Variants in PRICKLE2 observed in about 807,000 individuals in gnomAD.
PRICKLE2 encodes the protein prickle-like protein 2.
A neutral mutation model predicts 81.4 loss-of-function variants in PRICKLE2; 21 were observed. The observed-to-expected ratio is 0.26, with a 90% confidence interval of 0.18 to 0.37. PRICKLE2 has a LOEUF of 0.37. Among genes scored for constraint, PRICKLE2 ranks in the 10% least tolerant of loss-of-function variants. The pLI, the probability that PRICKLE2 is intolerant of heterozygous loss-of-function variation, is 1.00. For missense variants in PRICKLE2, 940 were observed against 1,109.0 expected, an observed-to-expected ratio of 0.85 and a Z score of 2.16; for synonymous variants, 456 against 421.5, an observed-to-expected ratio of 1.08 and a Z score of -1.00.
At chr3:64,142,362 G>A (rs1241382421) in intron 7 of PRICKLE2, among the ~76,000 whole-genome samples, 5 of 150,492 alleles carry the variant, frequency 3.3e-5, no homozygotes, top group African/African-American at 1.2e-4. Context: ...AAAGGCTGGG[G>A]TGCAGTGGTG....
chr3:64,098,414 C>G lies in PRICKLE2; in HGVS notation c.*637G>C, dbSNP rs1212722360. The stretch of plus-strand genomic sequence containing the variant: ...GTTATGTTTTTTCAGCCACAAAAAG[C>G]CAAATTGAATATGTTCCTTTGAAAA... On this transcript the variant is annotated 3_prime_UTR_variant, in exon 8 of 8. Coordinates refer to ENST00000638394, the MANE Select transcript of PRICKLE2 (RefSeq NM_198859.4). The G allele has an allele frequency of 6.9e-6, 1 of 144,452 alleles. No individual in the cohort carries two copies. The highest frequency in any genetic ancestry group is 1.5e-5 in the Non-Finnish European group (1 of 66,906). The allele number at this position is 144,452 out of a possible 1,614,324, so 8.9% of individuals were successfully genotyped here.
rs1465160749 is a variant in PRICKLE2, at chr3:64,147,281, A to G, written c.1209T>C (p.Tyr403=). 1.2e-6 allele frequency: 2 copies of G among 1,612,644 alleles called. No homozygotes were observed. Among genetic ancestry groups the G allele is most frequent in the Non-Finnish European group, 1.7e-6 (2 of 1,179,022 alleles). The change falls in exon 7 of 8, where the codon TAT becomes TAC. Residue 403 remains tyrosine, a synonymous_variant. Coordinates refer to ENST00000638394, the MANE Select transcript of PRICKLE2 (RefSeq NM_198859.4). This position sits in a 1 kb window ranked among gnomAD's most constrained non-coding sequence, Gnocchi z 5.0. The part of the protein sequence containing the change: ...IWRSREEPYH[Y]GNKMEQNQTQ... ...TCTGGTTCTGCTCCATCTTGTTCCCATAATGGTAGGGCTCTTCCCGGCTCC... is the reference window on the plus strand; with the variant it reads ...TCTGGTTCTGCTCCATCTTGTTCCCGTAATGGTAGGGCTCTTCCCGGCTCC...
chr3:64,155,898 T>A (rs963445207), intron 5 of PRICKLE2, among the ~76,000 whole-genome samples: 5 of 152,162 alleles, frequency 3.3e-5, no homozygotes, highest in African/African-American at 4.8e-5. Flanking sequence ...TGCTAATGGA[T>A]AAAGAGTTTC....
At chr3:64,215,582 C>T (rs982824465) in intron 1 of PRICKLE2, among the ~76,000 whole-genome samples, 3 of 152,040 alleles carry the variant, frequency 2.0e-5, no homozygotes, top group South Asian at 2.1e-4. Flanking sequence ...ATGACCAAAG[C>T]GTAAATTTTA....
intron 2 of PRICKLE2, among the ~76,000 whole-genome samples, chr3:64,250,030 A>G (rs2079423448): frequency 6.6e-6 from 1 of 152,210 alleles, no homozygotes; most frequent in African/African-American, 2.4e-5. Flanking sequence ...TAGGACTTCA[A>G]ATGCCACATT....
At chr3:64,123,000 G>A (rs1458090336) in intron 7 of PRICKLE2, among the ~76,000 whole-genome samples, 2 of 152,166 alleles carry the variant, frequency 1.3e-5, no homozygotes, top group African/African-American at 4.8e-5. Flanking sequence ...ATCAGAGCAG[G>A]TGTGTGAACA....
At chr3:64,142,833 T>TAC (rs1486381424) in intron 7 of PRICKLE2, among the ~76,000 whole-genome samples, 4 of 152,182 alleles carry the variant, frequency 2.6e-5, no homozygotes, top group African/African-American at 9.7e-5. Context: ...ACCAAAGCTA[T>TAC]ACAAAGGAAG....
chr3:64,222,618 G>T, intron 1 of PRICKLE2, among the ~76,000 whole-genome samples: 1 of 152,212 alleles, frequency 6.6e-6, no homozygotes, highest in Non-Finnish European at 1.5e-5. Context: ...GCAGGGGAGG[G>T]CTATTCCTTT....
chr3:64,174,200 T>C (rs752280983), intron 2 of PRICKLE2, among the ~76,000 whole-genome samples: 1 of 152,186 alleles, frequency 6.6e-6, no homozygotes, highest in Non-Finnish European at 1.5e-5. Flanking sequence ...ACCTACAGTA[T>C]AGGAGAAAGA....
At chr3:64,209,618 C>T (rs916077784) in intron 1 of PRICKLE2, among the ~76,000 whole-genome samples, 1 of 152,206 alleles carries the variant, frequency 6.6e-6, no homozygotes, top group Admixed American at 6.5e-5. Flanking sequence ...AACCTACCAA[C>T]CAACCAACTG....
At position 64,094,034 on chromosome 3, in the gene PRICKLE2, C is replaced by T. The variant is rs556093776; in HGVS notation, c.*5017G>A. On this transcript the variant is annotated 3_prime_UTR_variant, in exon 8 of 8. Transcript: ENST00000638394. ...GACCTTCTTAACAAATAGCTTGACA[C>T]TCAACACAGAACACAGACTCTGGCC... 1.3e-5 allele frequency: 2 copies of T among 152,724 alleles called. No homozygotes were observed. The highest frequency in any genetic ancestry group is 3.9e-4 in the East Asian group (2 of 5,178). 9.5% of individuals were successfully genotyped at this position (152,724 alleles called of 1,614,324 possible).
intron 2 of PRICKLE2, among the ~76,000 whole-genome samples, chr3:64,253,133 C>T (rs540826311): frequency 1.3e-5 from 2 of 152,198 alleles, no homozygotes; most frequent in Non-Finnish European, 2.9e-5. Context: ...TAACAGCTAT[C>T]ATTTATTAAG....
Position 64,225,080 on chromosome 3 carries a change from C to T in PRICKLE2, c.-211G>A, listed in dbSNP as rs1370528073. Reference sequence around the variant, plus strand: ...AACCCCCTTTTCAGTCTGAACCCTTCCTGAAGCTGGCAACAGACTCAAGCC... The same window carrying T: ...AACCCCCTTTTCAGTCTGAACCCTTTCTGAAGCTGGCAACAGACTCAAGCC... On this transcript the variant is annotated 5_prime_UTR_variant, in exon 1 of 8. Coordinates refer to ENST00000638394, the MANE Select transcript of PRICKLE2 (RefSeq NM_198859.4). 18 of 985,344 alleles carry T rather than the reference C, an allele frequency of 1.8e-5. No homozygotes were observed. The highest frequency in any genetic ancestry group is 1.9e-5 in the Non-Finnish European group (16 of 830,026). 61.0% of individuals were successfully genotyped at this position (985,344 alleles called of 1,614,324 possible). A position where few individuals can be genotyped will look rare whatever the true frequency, so the allele number is the denominator to read the frequency against.
intron 2 of PRICKLE2, among the ~76,000 whole-genome samples, chr3:64,240,667 C>T (rs1214086467): frequency 6.6e-6 from 1 of 152,156 alleles, no homozygotes; most frequent in African/African-American, 2.4e-5. Context: ...ATGTCTGAGC[C>T]AGCGGTTCTC....
At position 64,099,187 on chromosome 3, in the gene PRICKLE2, C is replaced by T. The variant is rs772206753; in HGVS notation, c.2399G>A (p.Arg800His). 3.1e-6 allele frequency: 5 copies of T among 1,614,208 alleles called. No homozygotes were observed. Among genetic ancestry groups the T allele is most frequent in the East Asian group, 2.2e-5 (1 of 44,872 alleles). Residue 800 changes from arginine to histidine, a missense_variant, in exon 8 of 8, where the codon CGC becomes CAC. Transcript: ENST00000638394. This position sits in a 1 kb window ranked among gnomAD's most constrained non-coding sequence, Gnocchi z 4.3. ...FLGEPIPQPA[R>H]LRYVTSDELL... ...CTCATCGCTTGTGACGTATCGCAGG[C>T]GCGCTGGCTGGGGGATGGGTTCTCC...
rs2076587932 is a variant in PRICKLE2 at position 64,097,510 on chromosome 3, T to A, written c.*1541A>T. ...GAGGAGGAGGATGGAAGAAACCAAG[T>A]GCTTCATTTTTAACTGAAGCAAGGT... On this transcript the variant is annotated 3_prime_UTR_variant, in exon 8 of 8. Coordinates refer to ENST00000638394, the MANE Select transcript of PRICKLE2 (RefSeq NM_198859.4). 6.6e-6 allele frequency: 1 copy of A among 152,616 alleles called. No individual in the cohort carries two copies. Among genetic ancestry groups the A allele is most frequent in the Non-Finnish European group, 1.5e-5 (1 of 68,032 alleles). 9.5% of individuals were successfully genotyped at this position (152,616 alleles called of 1,614,324 possible). A position where few individuals can be genotyped will look rare whatever the true frequency, so the allele number is the denominator to read the frequency against.
intron 2 of PRICKLE2, among the ~76,000 whole-genome samples, chr3:64,185,755 T>G (rs1419658148): frequency 6.6e-6 from 1 of 152,238 alleles, no homozygotes; most frequent in African/African-American, 2.4e-5. Flanking sequence ...AAGAGTAACT[T>G]CATTCATTCA....
chr3:64,191,599 T>A (rs1334838501), intron 2 of PRICKLE2, among the ~76,000 whole-genome samples: 1 of 152,196 alleles, frequency 6.6e-6, no homozygotes, highest in East Asian at 1.9e-4. Context: ...ATAATGTTGG[T>A]TGAGTATTAA....
At chr3:64,148,578 G>A (rs2077494490) in intron 6 of PRICKLE2, among the ~76,000 whole-genome samples, 1 of 152,152 alleles carries the variant, frequency 6.6e-6, no homozygotes, top group African/African-American at 2.4e-5. Flanking sequence ...GGATGCTATG[G>A]TGAATGTTTT....
Sources: allele counts gnomAD v4.1 joint callset (sites outside exome capture counted in the v4.1 genomes callset), GRCh38; gene constraint gnomAD v4.1.1; non-coding constraint Gnocchi (gnomAD v3.1); transcripts MANE v1.5; gene names NCBI Gene and HGNC (gene_info 2026-07-23, HGNC 2026-07-21).